Variants in DPYSL2 observed in about 807,000 individuals in gnomAD.
The protein encoded by DPYSL2 is dihydropyrimidinase like 2, also known as dihydropyrimidinase-related protein 2.
Under a neutral mutation model 69.9 loss-of-function variants are expected in DPYSL2, and 13 were observed. That is an observed-to-expected ratio of 0.19 (90% CI 0.12 to 0.30). The LOEUF is 0.30. Ranked by LOEUF, DPYSL2 falls within the 10% of genes least tolerant of loss-of-function variation. DPYSL2 has a pLI of 1.00. For missense variants in DPYSL2, 587 were observed against 918.9 expected (o/e 0.64, Z 4.67); for synonymous variants, 326 against 359.1 (o/e 0.91, Z 1.04).
At chr8:26,541,244 T>C (rs1205595505) in intron 1 of DPYSL2, among the ~76,000 whole-genome samples, 1 of 152,236 alleles carries the variant, frequency 6.6e-6, no homozygotes, top group African/African-American at 2.4e-5. Flanking sequence ...GACAGTTGGA[T>C]GATATGTTCT....
In DPYSL2 at chr8:26,643,423, G is replaced by A. The variant is rs972158643; in HGVS notation, c.1127-16G>A. 14 of 1,571,708 alleles carry A rather than the reference G, an allele frequency of 8.9e-6. No homozygotes were observed. The highest frequency in any genetic ancestry group is 1.2e-5 in the Non-Finnish European group (14 of 1,160,850). On this transcript the variant is annotated splice_polypyrimidine_tract_variant and intron_variant, in intron 8 of 13. Transcript: ENST00000521913. The surrounding 1 kb of genome is among the most constrained non-coding windows in gnomAD (Gnocchi z 6.5). Reference sequence around the variant, plus strand: ...TGCATTGTGTTGGACTGAACCTTGTGTGTTCTGTTTGTCAGGAACTGTGGT... The same window carrying A: ...TGCATTGTGTTGGACTGAACCTTGTATGTTCTGTTTGTCAGGAACTGTGGT...
chr8:26,557,543 C>T (rs1033503294), intron 1 of DPYSL2, among the ~76,000 whole-genome samples: 4 of 145,502 alleles, frequency 2.7e-5, no homozygotes, highest in East Asian at 4.2e-4. Context: ...CTTTGGGAGC[C>T]GAGCTAGGTG....
chr8:26,569,354 C>CAAAAAAAAAAAAAAAAAAAAAA (rs771471331), intron 1 of DPYSL2, among the ~76,000 whole-genome samples: 1 of 52,296 alleles, frequency 1.9e-5, no homozygotes, highest in Non-Finnish European at 4.1e-5. Flanking sequence ...ACCCTATCTC[C>CAAAAAAAAAAAAAAAAAAAAAA]AAAAAAAAAA....
Position 26,644,220 on chromosome 8 carries a change from A to T in DPYSL2, c.1425+129A>T. 1 of 1,115,648 alleles carries T rather than the reference A, an allele frequency of 9.0e-7. No individual in the cohort carries two copies. Among genetic ancestry groups the T allele is most frequent in the Non-Finnish European group, 1.2e-6 (1 of 815,380 alleles). The allele number at this position is 1,115,648 out of a possible 1,614,324, so 69.1% of individuals were successfully genotyped here. A position where few individuals can be genotyped will look rare whatever the true frequency, so the allele number is the denominator to read the frequency against. Reference sequence around the variant, plus strand: ...GGACATCCTAGAAGCCAGTACTTATATGACAATATTTCTGAGGGTTGGAAA... The same window carrying T: ...GGACATCCTAGAAGCCAGTACTTATTTGACAATATTTCTGAGGGTTGGAAA... On this transcript the variant is annotated intron_variant, in intron 10 of 13. Transcript: ENST00000521913. The surrounding 1 kb of genome is among the most constrained non-coding windows in gnomAD (Gnocchi z 4.5).
At chr8:26,608,525 C>T (rs1802157710) in intron 3 of DPYSL2, among the ~76,000 whole-genome samples, 2 of 152,208 alleles carry the variant, frequency 1.3e-5, no homozygotes, top group Admixed American at 1.3e-4. Flanking sequence ...GAAGTATTTA[C>T]ATTTGTTACG....
In DPYSL2 at chr8:26,624,481, G is replaced by A. The variant is rs145900383; in HGVS notation, c.793+174G>A. On this transcript the variant is annotated intron_variant, in intron 4 of 13. Coordinates refer to ENST00000521913, the MANE Select transcript of DPYSL2 (RefSeq NM_001197293.3). This position sits in a 1 kb window ranked among gnomAD's most constrained non-coding sequence, Gnocchi z 4.7. ...CCGCAGCTTATGCTGTTTGGAGGTG[G>A]CCTTACCCAGTGCAGTAACATGAGC... Among the ~76,000 whole-genome samples the A allele has an allele frequency of 2.0e-5, 3 of 152,310 alleles. No homozygotes were observed. Among genetic ancestry groups the A allele is most frequent in the Non-Finnish European group, 4.4e-5 (3 of 68,026 alleles).
intron 1 of DPYSL2, chr8:26,577,775 C>A (rs1448276762): frequency 2.5e-5 from 25 of 988,606 alleles, no homozygotes; most frequent in Non-Finnish European, 3.0e-5. Context: ...CGTTCACTGC[C>A]GCATTTCGCG....
chr8:26,544,752 A>T (rs1800738725), intron 1 of DPYSL2, among the ~76,000 whole-genome samples: 1 of 152,244 alleles, frequency 6.6e-6, no homozygotes. Flanking sequence ...AAAGTGTACA[A>T]AATGAATAGA....
At position 26,647,965 on chromosome 8, in the gene DPYSL2, A is replaced by G. The variant is rs1225418525; in HGVS notation, c.1596+165A>G. On this transcript the variant is annotated intron_variant, in intron 11 of 13. Transcript: ENST00000521913. The surrounding 1 kb of genome is among the most constrained non-coding windows in gnomAD (Gnocchi z 5.1). ...TTGCTGGGAAAAGAATAGTTATTTC[A>G]TTTTCTTTAGTGAGGTCAATAAGAT... 6.6e-6 allele frequency among the ~76,000 whole-genome samples: 1 copy of G among 152,156 alleles called. No homozygotes were observed. The highest frequency in any genetic ancestry group is 1.5e-5 in the Non-Finnish European group (1 of 68,030).
intron 1 of DPYSL2, among the ~76,000 whole-genome samples, chr8:26,534,613 C>A (rs559829171): frequency 6.6e-6 from 1 of 151,946 alleles, no homozygotes; most frequent in Admixed American, 6.6e-5. Flanking sequence ...ATAGGACACA[C>A]TGTATTTTTT....
At chr8:26,551,782 G>C (rs1460038596) in intron 1 of DPYSL2, among the ~76,000 whole-genome samples, 1 of 152,092 alleles carries the variant, frequency 6.6e-6, no homozygotes, top group East Asian at 1.9e-4. Flanking sequence ...AAGATAGCTG[G>C]AAAATCCCCA....
chr8:26,601,900 T>C (rs1585537996), intron 3 of DPYSL2, among the ~76,000 whole-genome samples: 1 of 152,216 alleles, frequency 6.6e-6, no homozygotes, highest in African/African-American at 2.4e-5. Context: ...AGCAGGGATA[T>C]TGAGGCAGGA....
At position 26,586,120 on chromosome 8, in the gene DPYSL2, A is replaced by C. The variant is rs1662248; in HGVS notation, c.628+2137A>C. ...TCCGTCTCAAAAAAAAACAAACAAA[A>C]AAATTCTCGAGTGAATGGTCAGTGT... On this transcript the variant is annotated intron_variant, in intron 3 of 13. Transcript: ENST00000521913. This position sits in a 1 kb window ranked among gnomAD's most constrained non-coding sequence, Gnocchi z 4.7. Among the ~76,000 whole-genome samples the C allele has an allele frequency of 0.39, 59,770 of 151,942 alleles. 12,906 individuals carry two copies. The highest frequency in any genetic ancestry group is 0.58 in the African/African-American group (24,116 of 41,428).
At chr8:26,538,022 A>G (rs1422159126) in intron 1 of DPYSL2, among the ~76,000 whole-genome samples, 1 of 152,168 alleles carries the variant, frequency 6.6e-6, no homozygotes, top group Non-Finnish European at 1.5e-5. Flanking sequence ...TTCATGATTT[A>G]TACATTTTTG....
At chr8:26,554,898 AT>A (rs1250324959) in intron 1 of DPYSL2, among the ~76,000 whole-genome samples, 1 of 152,200 alleles carries the variant, frequency 6.6e-6, no homozygotes, top group Non-Finnish European at 1.5e-5. Context: ...AAATGCAACA[AT>A]GTATACAAAG....
At chr8:26,594,342 A>G (rs1388544773) in intron 3 of DPYSL2, among the ~76,000 whole-genome samples, 1 of 151,848 alleles carries the variant, frequency 6.6e-6, no homozygotes, top group South Asian at 2.1e-4. Context: ...TTTATCATCT[A>G]TCTCTATCTA....
At chr8:26,613,495 G>A (rs1802281526) in intron 3 of DPYSL2, among the ~76,000 whole-genome samples, 1 of 152,230 alleles carries the variant, frequency 6.6e-6, no homozygotes, top group African/African-American at 2.4e-5. Context: ...ATCCTGGCAG[G>A]TACAGTCACC....
At chr8:26,550,912 C>A (rs1800864714) in intron 1 of DPYSL2, among the ~76,000 whole-genome samples, 1 of 152,100 alleles carries the variant, frequency 6.6e-6, no homozygotes, top group African/African-American at 2.4e-5. Flanking sequence ...TTCTGACACC[C>A]AAGGGCAGGA....
In DPYSL2 at chr8:26,609,205, C is replaced by G. The variant is rs1310874950; in HGVS notation, c.629-14938C>G. Among the ~76,000 whole-genome samples, 9 of 152,136 alleles carry G rather than the reference C, an allele frequency of 5.9e-5. No homozygotes were observed. Among genetic ancestry groups the G allele is most frequent in the Admixed American group, 3.3e-4 (5 of 15,276 alleles). On this transcript the variant is annotated intron_variant, in intron 3 of 13. Transcript: ENST00000521913. The surrounding 1 kb of genome is among the most constrained non-coding windows in gnomAD (Gnocchi z 6.5). ...TGAGCATCACCTCATTTATTTCAAC[C>G]CATATTTGTACAGAAGGATTTTTGT...
Sources: gnomAD v4.1 joint callset for allele counts (sites outside exome capture counted in the v4.1 genomes callset) on GRCh38, gnomAD v4.1.1 for gene constraint, Gnocchi (gnomAD v3.1) non-coding constraint, MANE v1.5 for transcripts, NCBI Gene and HGNC (gene_info 2026-07-23, HGNC 2026-07-21) for gene names.